Variants in TGM1 observed in about 807,000 individuals in gnomAD.
TGM1 encodes protein-glutamine gamma-glutamyltransferase K.
A neutral mutation model predicts 88.7 loss-of-function variants in TGM1; 63 were observed. That is an observed-to-expected ratio of 0.71 (90% CI 0.58 to 0.88). TGM1 has a LOEUF of 0.88. Among genes scored for constraint, TGM1 ranks in the 40% least tolerant of loss-of-function variants. The probability of loss-of-function intolerance (pLI) is 0.00; values close to 1 mark genes in which losing one functional copy is unlikely to be tolerated. For missense variants in TGM1, 996 were observed against 1,118.0 expected, an observed-to-expected ratio of 0.89 and a Z score of 1.56; for synonymous variants, 415 against 431.1, an observed-to-expected ratio of 0.96 and a Z score of 0.46.
chr14:24,255,579 C>T lies in TGM1; in HGVS notation c.1492-62G>A. On this transcript the variant is annotated intron_variant, in intron 10 of 14. Transcript: ENST00000206765. The surrounding 1 kb of genome is among the most constrained non-coding windows in gnomAD (Gnocchi z 4.0). ...AGAGGGTCTGAGGGTGGCCTGACTC[C>T]CGGCCTCCTTCCCCTGATCCCAGGA... is the stretch of plus-strand genomic sequence containing the variant. The T allele has an allele frequency of 6.2e-7, 1 of 1,602,594 alleles. No homozygotes were observed.
In TGM1 at chr14:24,262,011, TGAG is replaced by T. The variant is rs761773951; in HGVS notation, c.319+20_319+22del. ...CCATTAAAGCCTTTTAGCTCTCAGC[TGAG>T]GAGGACAGACCGGCCTCACCTCGGA... is the stretch of plus-strand genomic sequence containing the variant. On this transcript the variant is annotated intron_variant, in intron 2 of 14. Coordinates refer to ENST00000206765, the MANE Select transcript of TGM1 (RefSeq NM_000359.3). The T allele has an allele frequency of 1.2e-5, 20 of 1,613,074 alleles. 1 individual carries two copies. Among genetic ancestry groups the T allele is most frequent in the Admixed American group, 5.0e-5 (3 of 60,018 alleles).
chr14:24,260,826 C>T (rs954570344), intron 3 of TGM1, 128 bp from the exon 4 acceptor site: 16 of 1,270,508 alleles, frequency 1.3e-5, no homozygotes, highest in Middle Eastern at 2.1e-4. Context: ...TGGGCCATCA[C>T]CTTATTCTCT....
At position 24,256,028 on chromosome 14, in the gene TGM1, C is replaced by T. The variant is rs2855109; in HGVS notation, c.1452G>A (p.Leu484=). The change falls in exon 10 of 15, where the codon CTG becomes CTA. Residue 484 remains leucine, a synonymous_variant. Transcript: ENST00000206765. Reference sequence around the variant, plus strand: ...AAGGCGTGTCGTACTTCATGTAGACCAGGCCATTCTTGATGGACTCCACAG... The same window carrying T: ...AAGGCGTGTCGTACTTCATGTAGACTAGGCCATTCTTGATGGACTCCACAG... ...PCSVESIKNG[L]VYMKYDTPFI... 6.4e-7 allele frequency: 1 copy of T among 1,571,202 alleles called. No homozygotes were observed. The highest frequency in any genetic ancestry group is 8.6e-7 in the Non-Finnish European group (1 of 1,156,778).
chr14:24,254,439 G>T, intron 13 of TGM1, 151 bp from the exon 14 acceptor site: 1 of 1,328,636 alleles, frequency 7.5e-7, no homozygotes, highest in Non-Finnish European at 1.0e-6. Flanking sequence ...CCAGAAGTCA[G>T]AGAAGAAACT....
intron 8 of TGM1, 26 bp from the exon 9 acceptor site, chr14:24,258,414 G>A (rs45447992): frequency 6.2e-7 from 1 of 1,611,552 alleles, no homozygotes; most frequent in Admixed American, 1.7e-5. Flanking sequence ...GGAGGGGCTG[G>A]GTCTGAGCCC....
chr14:24,254,911 A>G (rs2139019210), intron 12 of TGM1, 61 bp downstream of exon 12: 2 of 1,612,880 alleles, frequency 1.2e-6, no homozygotes, highest in East Asian at 4.5e-5. Flanking sequence ...TGGGGTCTCC[A>G]TGTCCACAGC....
rs35312232 is a variant in TGM1 at position 24,255,457 on chromosome 14, C to T, written c.1552G>A (p.Val518Met). The change falls in exon 11 of 15, where the codon GTG becomes ATG. Residue 518 changes from valine to methionine, a missense_variant. Physicochemically the swap from Val to Met is conservative, Grantham distance 21. Transcript: ENST00000206765. This position sits in a 1 kb window ranked among gnomAD's most constrained non-coding sequence, Gnocchi z 4.0. ...QDDGSFKIVY[V>M]EEKAIGTLIV... ...AGTGTGCCGATGGCCTTCTCCTCCA[C>T]ATAAACAATCTTGAAGCTGCCATCA... 25,656 of 1,614,116 alleles carry T rather than the reference C, an allele frequency of 0.016. 230 individuals are homozygous for T. The highest frequency in any genetic ancestry group is 0.019 in the Non-Finnish European group (22,902 of 1,180,024).
intron 14 of TGM1, among the ~76,000 whole-genome samples, chr14:24,250,206 AACACAC>A (rs137858640): frequency 7.2e-6 from 1 of 139,696 alleles, no homozygotes; most frequent in East Asian, 2.4e-4. Context: ...TGGGTGGACA[AACACAC>A]ACACACACAC....
At chr14:24,258,113 GGT>G (rs1438448309) in intron 9 of TGM1, among the ~76,000 whole-genome samples, 170 bp downstream of exon 9, 1 of 152,198 alleles carries the variant, frequency 6.6e-6, no homozygotes, top group African/African-American at 2.4e-5. Context: ...TATATAGAAT[GGT>G]AAAAATAAAC....
At chr14:24,256,850 T>G (rs754276447) in intron 9 of TGM1, among the ~76,000 whole-genome samples, 12 of 152,176 alleles carry the variant, frequency 7.9e-5, no homozygotes, top group Non-Finnish European at 1.6e-4. Flanking sequence ...GCTCAGACTT[T>G]TTGAGTAGCT....
chr14:24,252,912 G>A (rs979726812), intron 14 of TGM1, among the ~76,000 whole-genome samples: 6 of 152,180 alleles, frequency 3.9e-5, no homozygotes, highest in South Asian at 2.1e-4. Context: ...AGGCGGGGAC[G>A]GGGCAGCACG....
At chr14:24,262,591 G>A (rs1252277773) in intron 1 of TGM1, among the ~76,000 whole-genome samples, 1 of 152,080 alleles carries the variant, frequency 6.6e-6, no homozygotes, top group Admixed American at 6.6e-5. Flanking sequence ...AACAACATCC[G>A]AAAAACTGCC....
rs368405482 is a variant in TGM1 at position 24,260,109 on chromosome 14, C to T, written c.758-51G>A. The T allele has an allele frequency of 1.6e-5, 24 of 1,515,842 alleles. No homozygotes were observed. The African/African-American group carries it at 2.5e-4, about 16-fold the overall frequency. 93.9% of individuals were successfully genotyped at this position (1,515,842 alleles called of 1,614,324 possible). On this transcript the variant is annotated intron_variant, in intron 4 of 14. Coordinates refer to ENST00000206765, the MANE Select transcript of TGM1 (RefSeq NM_000359.3). ...GGTTCCCTCCAGTTCTCTCCCTGGG[C>T]CTCACCTACTTCTGGCCAGTTCTGC...
chr14:24,253,452 G>C (rs1268656105), intron 14 of TGM1, among the ~76,000 whole-genome samples: 2 of 151,928 alleles, frequency 1.3e-5, no homozygotes, highest in Non-Finnish European at 2.9e-5. Context: ...GTCTCTGTGT[G>C]TGTGTGTGTG....
chr14:24,258,720 G>A (rs772885065), intron 7 of TGM1, 47 bp from the exon 8 acceptor site: 1 of 1,609,282 alleles, frequency 6.2e-7, no homozygotes, highest in Admixed American at 1.7e-5. Context: ...TTGGGGGCAA[G>A]TGAGGCATCG....
rs35926651 is a variant in TGM1, at chr14:24,249,503, G to A, written c.2264C>T (p.Ser755Leu). The A allele has an allele frequency of 1.0e-3, 1,607 of 1,614,114 alleles. 15 individuals are homozygous for A. The African/African-American group carries it at 0.019, about 19-fold the overall frequency. ...GGGGCCTGGTCGCACAGGCACAAAC[G>A]ACTGGCGCAGTGTCACTGTTTCATT... ...GGNETVTLRQ[S>L]FVPVRPGPRQ... Residue 755 changes from serine (S) to leucine (L), a missense_variant, in exon 15 of 15, where the codon TCG becomes TTG. Physicochemically the swap from Ser to Leu is moderately radical, Grantham distance 145. Coordinates refer to ENST00000206765, the MANE Select transcript of TGM1 (RefSeq NM_000359.3).
chr14:24,262,003 C>T (rs773362561), intron 2 of TGM1, 31 bp downstream of exon 2: 8 of 1,612,528 alleles, frequency 5.0e-6, no homozygotes, highest in Non-Finnish European at 6.8e-6. Context: ...AGCCTTTTAG[C>T]TCTCAGCTGA....
chr14:24,260,100 C>A (rs1482141777), intron 4 of TGM1, 42 bp from the exon 5 acceptor site: 2 of 1,532,126 alleles, frequency 1.3e-6, no homozygotes, highest in Admixed American at 1.7e-5. Flanking sequence ...CTCCAGTTCT[C>A]TCCCTGGGCC....
At chr14:24,258,720 G>C in intron 7 of TGM1, 47 bp from the exon 8 acceptor site, 1 of 1,609,282 alleles carries the variant, frequency 6.2e-7, no homozygotes. Flanking sequence ...TTGGGGGCAA[G>C]TGAGGCATCG....
Sources: allele counts gnomAD v4.1 joint callset (sites outside exome capture counted in the v4.1 genomes callset), GRCh38; gene constraint gnomAD v4.1.1; non-coding constraint Gnocchi (gnomAD v3.1); transcripts MANE v1.5; gene names NCBI Gene and HGNC (gene_info 2026-07-23, HGNC 2026-07-21).